GPHN: variants seen among roughly 807,000 people sequenced by gnomAD.
GPHN encodes gephyrin.
GPHN carries 17 observed loss-of-function variants against 95.5 expected under a neutral mutation model. The observed-to-expected ratio is 0.18, with a 90% confidence interval of 0.12 to 0.27. The LOEUF (loss-of-function observed/expected upper bound fraction) is 0.27, where lower values mean the gene tolerates loss of function less well. GPHN is among the 10% of genes least tolerant of loss of function. The probability of loss-of-function intolerance (pLI) is 1.00; values close to 1 mark genes in which losing one functional copy is unlikely to be tolerated. For missense variants in GPHN, 660 were observed against 978.1 expected (o/e 0.67, Z 4.34); for synonymous variants, 320 against 322.5 (o/e 0.99, Z 0.08).
intron 3 of GPHN, among the ~76,000 whole-genome samples, chr14:66,789,902 G>A (rs1277510279): frequency 1.3e-5 from 2 of 152,116 alleles, no homozygotes; most frequent in African/African-American, 4.8e-5. Flanking sequence ...ACACACCAGA[G>A]TTCTCTCATA....
chr14:67,103,511 C>CTTTTTTTTTTTTTTTTT, intron 13 of GPHN, among the ~76,000 whole-genome samples: 1 of 53,396 alleles, frequency 1.9e-5, no homozygotes, highest in Non-Finnish European at 3.4e-5. Flanking sequence ...GTTTCTTTCT[C>CTTTTTTTTTTTTTTTTT]TTTTTTTTTT....
At chr14:66,649,231 G>A (rs2064915453) in intron 1 of GPHN, among the ~76,000 whole-genome samples, 1 of 152,126 alleles carries the variant, frequency 6.6e-6, no homozygotes, top group South Asian at 2.1e-4. Flanking sequence ...CTACTCGGGA[G>A]GATGAGGCAG....
intron 2 of GPHN, among the ~76,000 whole-genome samples, chr14:66,742,843 G>C (rs928470840): frequency 6.6e-6 from 1 of 152,126 alleles, no homozygotes; most frequent in Non-Finnish European, 1.5e-5. Flanking sequence ...CTTACTGCAA[G>C]CCCGGCCTTC....
intron 1 of GPHN, among the ~76,000 whole-genome samples, chr14:66,585,725 C>G (rs1276436564): frequency 6.6e-6 from 1 of 152,068 alleles, no homozygotes; most frequent in Non-Finnish European, 1.5e-5. Flanking sequence ...ATCCTGAGTT[C>G]TAGTTTGATT....
At chr14:67,040,250 C>T (rs2074631612) in intron 10 of GPHN, among the ~76,000 whole-genome samples, 1 of 152,018 alleles carries the variant, frequency 6.6e-6, no homozygotes, top group Non-Finnish European at 1.5e-5. Flanking sequence ...CAGACTCCCC[C>T]AAATGTTAAC....
At chr14:67,422,571 T>C in the GPHN span, among the ~76,000 whole-genome samples, 11 of 152,334 alleles carry the variant, frequency 7.2e-5, no homozygotes, top group South Asian at 2.1e-4. Context: ...TTCTATTCCT[T>C]TCCACAAAGA....
At chr14:67,236,507 G>A in the GPHN span, among the ~76,000 whole-genome samples, 1 of 152,112 alleles carries the variant, frequency 6.6e-6, no homozygotes, top group Non-Finnish European at 1.5e-5. Flanking sequence ...AGATTTCAGT[G>A]CCTATAGCAC....
the GPHN span, among the ~76,000 whole-genome samples, chr14:67,611,623 G>C: frequency 1.3e-5 from 2 of 151,880 alleles, no homozygotes; most frequent in Admixed American, 6.6e-5. Context: ...ACTTTGTATC[G>C]GTTGCAAAGA....
chr14:67,436,285 C>T, the GPHN span, among the ~76,000 whole-genome samples: 1 of 152,192 alleles, frequency 6.6e-6, no homozygotes, highest in Non-Finnish European at 1.5e-5. Flanking sequence ...AGAGTTCACT[C>T]TATACCATGG....
At chr14:67,421,649 G>A in the GPHN span, among the ~76,000 whole-genome samples, 1 of 152,184 alleles carries the variant, frequency 6.6e-6, no homozygotes, top group Non-Finnish European at 1.5e-5. Flanking sequence ...CTATAGGAAC[G>A]ATCCTAGCCA....
the GPHN span, chr14:67,381,503 T>C: frequency 1.0e-6 from 1 of 963,884 alleles, no homozygotes; most frequent in Non-Finnish European, 1.6e-6. Context: ...AGTATTTGAA[T>C]ACTAATATAT....
At chr14:67,273,653 G>A in the GPHN span, among the ~76,000 whole-genome samples, 5 of 152,166 alleles carry the variant, frequency 3.3e-5, no homozygotes, top group African/African-American at 1.2e-4. Flanking sequence ...TGGGATGGCT[G>A]GGTCAAATGG....
the GPHN span, among the ~76,000 whole-genome samples, chr14:67,267,807 T>C: frequency 6.6e-6 from 1 of 152,186 alleles, no homozygotes; most frequent in African/African-American, 2.4e-5. Flanking sequence ...ATAGCACTAG[T>C]TTTGCATTTT....
chr14:66,876,521 A>G (rs111636227), intron 4 of GPHN, among the ~76,000 whole-genome samples: 2,302 of 152,318 alleles, frequency 0.015, 33 homozygotes, highest in Non-Finnish European at 0.018. Context: ...TGAAGAAAAG[A>G]GTGAAGAATT....
At chr14:66,623,647 A>G (rs988514298) in intron 1 of GPHN, among the ~76,000 whole-genome samples, 1 of 148,418 alleles carries the variant, frequency 6.7e-6, no homozygotes, top group African/African-American at 2.5e-5. Context: ...AAGCAAAGTC[A>G]TGCTTATTGG....
intron 4 of GPHN, among the ~76,000 whole-genome samples, chr14:66,859,015 G>A (rs2062914581): frequency 1.3e-5 from 2 of 151,948 alleles, no homozygotes; most frequent in South Asian, 4.2e-4. Flanking sequence ...AATGTCTAAG[G>A]TTTTTTTTAA....
intron 10 of GPHN, among the ~76,000 whole-genome samples, chr14:67,054,210 C>T (rs2075443296): frequency 6.6e-6 from 1 of 152,166 alleles, no homozygotes; most frequent in African/African-American, 2.4e-5. Flanking sequence ...TCTGAAAACC[C>T]CATCATCTCA....
chr14:66,642,127 C>A (rs530235018), intron 1 of GPHN, among the ~76,000 whole-genome samples: 24 of 152,188 alleles, frequency 1.6e-4, no homozygotes, highest in African/African-American at 5.5e-4. Context: ...GATATCCAGC[C>A]CTAATTCGTG....
the GPHN span, chr14:67,395,719 G>A: frequency 3.1e-6 from 2 of 648,002 alleles, no homozygotes; most frequent in Admixed American, 2.8e-5. Context: ...CACATAGCAG[G>A]TAGTCTTTAA....
Sources: gnomAD v4.1 joint callset for allele counts (sites outside exome capture counted in the v4.1 genomes callset) on GRCh38, gnomAD v4.1.1 for gene constraint, MANE v1.5 for transcripts, NCBI Gene and HGNC (gene_info 2026-07-23, HGNC 2026-07-21) for gene names.